The following ZNF66 variants were observed in gnomAD, a reference collection of about 807,000 sequenced individuals.
ZNF66 encodes putative zinc finger protein 66.
Under a neutral mutation model 35.2 loss-of-function variants are expected in ZNF66, and 32 were observed. The observed-to-expected ratio is 0.91, with a 90% CI of 0.69 to 1.22. The LOEUF is 1.22. Ranked by LOEUF, ZNF66 falls within the 50% of genes most tolerant of loss-of-function variation. The probability of loss-of-function intolerance (pLI) is 0.00; values close to 1 mark genes in which losing one functional copy is unlikely to be tolerated. For missense variants in ZNF66, 666 were observed against 543.1 expected (o/e 1.23, Z -2.25); for synonymous variants, 231 against 181.3 (o/e 1.27, Z -2.20).
At chr19:20,795,191 G>A (rs1227507468) in intron 3 of ZNF66, among the ~76,000 whole-genome samples, 8 of 149,686 alleles carry the variant, frequency 5.3e-5, no homozygotes, top group Non-Finnish European at 8.9e-5. Context: ...TTTTATTTCT[G>A]TGAATAATTC....
intron 1 of ZNF66, among the ~76,000 whole-genome samples, chr19:20,786,304 A>G (rs1363121042): frequency 6.6e-6 from 1 of 152,176 alleles, no homozygotes; most frequent in Non-Finnish European, 1.5e-5. Context: ...GCTAGATCAA[A>G]TTTCTACAAA....
At chr19:20,791,307 G>T (rs1481822245) in intron 1 of ZNF66, among the ~76,000 whole-genome samples, 1 of 151,850 alleles carries the variant, frequency 6.6e-6, no homozygotes, top group African/African-American at 2.4e-5. Context: ...CAACATGGTG[G>T]AACCCCGTCC....
intron 3 of ZNF66, among the ~76,000 whole-genome samples, chr19:20,803,721 C>T (rs365033): frequency 0.093 from 14,114 of 151,864 alleles, 660 homozygotes; most frequent in Middle Eastern, 0.11. Context: ...TTTCTTTCAC[C>T]ATGTTATTTT....
intron 3 of ZNF66, chr19:20,799,061 C>CTTTTTTTTTTTTT (rs374547894): frequency 1.7e-5 from 2 of 116,700 alleles, no homozygotes; most frequent in African/African-American, 3.3e-5. Context: ...CTTTTTCTTT[C>CTTTTTTTTTTTTT]TTTCTTTTTT....
At chr19:20,794,021 G>T in intron 3 of ZNF66, 143 bp downstream of exon 3, 2 of 551,666 alleles carry the variant, frequency 3.6e-6, no homozygotes, top group South Asian at 2.7e-5. Context: ...TTTTGTTTTT[G>T]TTTTTGTTGT....
At chr19:20,786,748 A>G (rs2144896469) in intron 1 of ZNF66, among the ~76,000 whole-genome samples, 1 of 152,298 alleles carries the variant, frequency 6.6e-6, no homozygotes, top group Admixed American at 6.5e-5. Context: ...ATAATGCCAC[A>G]TTGGACACTA....
intron 3 of ZNF66, among the ~76,000 whole-genome samples, chr19:20,796,969 G>A (rs1480045446): frequency 1.3e-5 from 2 of 152,092 alleles, no homozygotes; most frequent in East Asian, 3.9e-4. Flanking sequence ...TCATGCCTCA[G>A]TCTCTCAAGT....
At chr19:20,803,858 C>A (rs1300228217) in intron 3 of ZNF66, among the ~76,000 whole-genome samples, 2 of 152,092 alleles carry the variant, frequency 1.3e-5, no homozygotes, top group Non-Finnish European at 2.9e-5. Context: ...TGCTATTATT[C>A]TCACTTGAAA....
chr19:20,793,175 G>A (rs529022626), intron 2 of ZNF66, among the ~76,000 whole-genome samples: 1 of 151,800 alleles, frequency 6.6e-6, no homozygotes, highest in African/African-American at 2.4e-5. Flanking sequence ...TAAATTAGTG[G>A]TAATTCCAGA....
Position 20,806,063 on chromosome 19 carries a change from C to A in ZNF66, c.463C>A (p.His155Asn), listed in dbSNP as rs538020538. Residue 155 changes from histidine to asparagine, a missense_variant, in exon 4 of 4, where the codon CAT becomes AAT. Physicochemically the swap from His to Asn is moderately conservative, Grantham distance 68 (BLOSUM62 1). Transcript: ENST00000344519. ...ATGTGATAAACATGGGAAAGTCTTT[C>A]ATCAATTTTCAAATACAAACAGACA... ...FQCDKHGKVF[H>N]QFSNTNRHKI... is the part of the protein sequence containing the mutation. 3.5e-6 allele frequency: 3 copies of A among 846,186 alleles called. No individual in the cohort carries two copies. Among genetic ancestry groups the A allele is most frequent in the African/African-American group, 1.7e-5 (1 of 59,646 alleles). 52.4% of individuals were successfully genotyped at this position (846,186 alleles called of 1,614,324 possible).
chr19:20,787,799 A>G (rs900782675), intron 1 of ZNF66, among the ~76,000 whole-genome samples: 1 of 152,188 alleles, frequency 6.6e-6, no homozygotes, highest in African/African-American at 2.4e-5. Flanking sequence ...TATTTTTGTT[A>G]TTTCCTTTAC....
chr19:20,787,150 A>G (rs948476640), intron 1 of ZNF66, among the ~76,000 whole-genome samples: 2 of 152,214 alleles, frequency 1.3e-5, no homozygotes, highest in African/African-American at 4.8e-5. Context: ...TCTGAAAAAC[A>G]ACTTTGTGTC....
At chr19:20,803,785 A>G (rs1222705842) in intron 3 of ZNF66, among the ~76,000 whole-genome samples, 1 of 152,170 alleles carries the variant, frequency 6.6e-6, no homozygotes, top group Admixed American at 6.5e-5. Flanking sequence ...GTGGCAATAT[A>G]CATTCTCAGG....
chr19:20,776,349 C>CT lies in ZNF66; in HGVS notation c.-98dup. On this transcript the variant is annotated 5_prime_UTR_variant, in exon 1 of 4. Transcript: ENST00000344519. ...CTCCAGGTCGTCTGTTCACTGCTCT[C>CT]TGTCTTCTTCTCCTAGAGGCCCAGC... 6.7e-7 allele frequency: 1 copy of CT among 1,487,392 alleles called. No individual in the cohort carries two copies. Among genetic ancestry groups the CT allele is most frequent in the South Asian group, 1.1e-5 (1 of 88,488 alleles). The allele number at this position is 1,487,392 out of a possible 1,614,324, so 92.1% of individuals were successfully genotyped here. A position where few individuals can be genotyped will look rare whatever the true frequency, so the allele number is the denominator to read the frequency against.
chr19:20,799,856 C>G (rs1449942582), intron 3 of ZNF66, among the ~76,000 whole-genome samples: 1 of 152,118 alleles, frequency 6.6e-6, no homozygotes, highest in East Asian at 1.9e-4. Flanking sequence ...GTATTGACAT[C>G]TTTGAAAAAT....
At chr19:20,800,938 T>G (rs1202963170) in intron 3 of ZNF66, among the ~76,000 whole-genome samples, 2 of 152,210 alleles carry the variant, frequency 1.3e-5, no homozygotes, top group African/African-American at 4.8e-5. Context: ...CTACAATTAT[T>G]ATGTTGCTAT....
chr19:20,798,744 A>G (rs1289883448), intron 3 of ZNF66, among the ~76,000 whole-genome samples: 1 of 152,170 alleles, frequency 6.6e-6, no homozygotes, highest in East Asian at 1.9e-4. Context: ...GATTTTGACT[A>G]CTTAAGATAT....
rs1971551117 is a variant in ZNF66, at chr19:20,808,585, G to A, written c.*1263G>A. Among the ~76,000 whole-genome samples, 1 of 152,156 alleles carries A rather than the reference G, an allele frequency of 6.6e-6. No homozygotes were observed. Among genetic ancestry groups the A allele is most frequent in the Non-Finnish European group, 1.5e-5 (1 of 68,038 alleles). Reference sequence around the variant, plus strand: ...ACTGATGCTGATACCCAGGCAAACAGCGTCTGGAGTGGACCTCTAGCAAAC... The same window carrying A: ...ACTGATGCTGATACCCAGGCAAACAACGTCTGGAGTGGACCTCTAGCAAAC... On this transcript the variant is annotated 3_prime_UTR_variant, in exon 4 of 4. Coordinates refer to ENST00000344519, the MANE Select transcript of ZNF66 (RefSeq NM_001355197.2).
chr19:20,793,686 C>A, intron 2 of ZNF66, 97 bp from the exon 3 acceptor site: 1 of 479,116 alleles, frequency 2.1e-6, no homozygotes, highest in Non-Finnish European at 3.7e-6. Context: ...TATTAATTTA[C>A]TAGAATATTT....
Sources: allele counts gnomAD v4.1 joint callset (sites outside exome capture counted in the v4.1 genomes callset), GRCh38; gene constraint gnomAD v4.1.1; transcripts MANE v1.5; gene names NCBI Gene and HGNC (gene_info 2026-07-23, HGNC 2026-07-21).